The following RASSF8 variants were observed in gnomAD, a reference collection of about 807,000 sequenced individuals.
The protein encoded by RASSF8 is Ras association domain family member 8, also known as ras association domain-containing protein 8.
In RASSF8, 22 loss-of-function variants were observed where a neutral mutation model predicts 48.5. That is an observed-to-expected ratio of 0.45 (90% CI 0.32 to 0.65). The LOEUF (loss-of-function observed/expected upper bound fraction) is 0.65. RASSF8 is among the 30% of genes least tolerant of loss of function. The pLI is 0.03. For synonymous variants in RASSF8, 127 were observed against 171.5 expected, an observed-to-expected ratio of 0.74 and a Z score of 2.03; for missense variants, 418 against 489.2, an observed-to-expected ratio of 0.85 and a Z score of 1.37.
intron 3 of RASSF8, among the ~76,000 whole-genome samples, chr12:26,060,222 G>GCTTATCATATAA (rs1943711175): frequency 6.6e-6 from 1 of 152,130 alleles, no homozygotes; most frequent in East Asian, 1.9e-4. Flanking sequence ...TTTAGTAGTA[G>GCTTATCATATAA]TGAGCTTATC....
In RASSF8 at chr12:26,069,272, G is replaced by A. The variant is rs1943950529; in HGVS notation, c.*454G>A. 12 of 984,964 alleles carry A rather than the reference G, an allele frequency of 1.2e-5. No homozygotes were observed. Among genetic ancestry groups the A allele is most frequent in the Non-Finnish European group, 1.4e-5 (12 of 828,778 alleles). 61.0% of individuals were successfully genotyped at this position (984,964 alleles called of 1,614,324 possible). ...TTACATATTGTGTGATTATGACCGT[G>A]TGCATGTTGCCAGACTCCATCCATG... On this transcript the variant is annotated 3_prime_UTR_variant, in exon 6 of 6. Coordinates refer to ENST00000689635, the MANE Select transcript of RASSF8 (RefSeq NM_001394098.1).
chr12:25,960,068 C>T (rs1039598313), intron 1 of RASSF8, among the ~76,000 whole-genome samples: 2 of 152,036 alleles, frequency 1.3e-5, no homozygotes, highest in African/African-American at 4.8e-5. Context: ...AATCCTCTAG[C>T]CCTGTGACAG....
intron 2 of RASSF8, among the ~76,000 whole-genome samples, chr12:26,035,441 A>AAGTATATGAAATT (rs1320662815): frequency 8.4e-5 from 2 of 23,792 alleles, no homozygotes; most frequent in Non-Finnish European, 1.3e-4. Flanking sequence ...ATAATTATAT[A>AAGTATATGAAATT]ATATAAGTAT....
intron 3 of RASSF8, among the ~76,000 whole-genome samples, chr12:26,061,852 A>G (rs182231935): frequency 1.3e-5 from 2 of 152,272 alleles, no homozygotes; most frequent in Admixed American, 6.5e-5. Context: ...GCTTTTTTAT[A>G]TTGCTGGATG....
intron 1 of RASSF8, among the ~76,000 whole-genome samples, chr12:25,975,095 C>T (rs1941574439): frequency 1.3e-5 from 2 of 152,054 alleles, no homozygotes; most frequent in African/African-American, 4.8e-5. Flanking sequence ...CCTAAGTCCA[C>T]CTGAGGAAAT....
At chr12:26,010,572 C>T (rs1207835995) in intron 2 of RASSF8, among the ~76,000 whole-genome samples, 1 of 152,204 alleles carries the variant, frequency 6.6e-6, no homozygotes, top group African/African-American at 2.4e-5. Flanking sequence ...TGGGAAAGCT[C>T]TTTCCTTAAT....
intron 2 of RASSF8, among the ~76,000 whole-genome samples, chr12:26,033,463 T>C (rs1260416444): frequency 6.6e-6 from 1 of 152,196 alleles, no homozygotes; most frequent in Non-Finnish European, 1.5e-5. Context: ...TAGGTATTAT[T>C]TTCATTCTTT....
Position 26,065,033 on chromosome 12 carries a change from C to G in RASSF8, c.639C>G (p.Ile213Met). The G allele has an allele frequency of 6.2e-7, 1 of 1,613,078 alleles. No homozygotes were observed. The highest frequency in any genetic ancestry group is 1.3e-5 in the African/African-American group (1 of 74,810). The change falls in exon 4 of 6, where the codon ATC becomes ATG. Residue 213 changes from isoleucine to methionine, a missense_variant. Physicochemically the swap from Ile to Met is conservative, Grantham distance 10 (BLOSUM62 1). Transcript: ENST00000689635. ...AAATTGTCCGTCTAGAGCAAAAGATCAAAAGAAACGATGTAGAAATTGAGG... is the reference window on the plus strand; with the variant it reads ...AAATTGTCCGTCTAGAGCAAAAGATGAAAAGAAACGATGTAGAAATTGAGG... ...EEEIVRLEQK[I>M]KRNDVEIEEE...
Position 26,071,323 on chromosome 12 carries a change from T to G in RASSF8, c.*2505T>G. 2.1e-6 allele frequency: 2 copies of G among 974,720 alleles called. No individual in the cohort carries two copies. Among genetic ancestry groups the G allele is most frequent in the Non-Finnish European group, 2.4e-6 (2 of 820,250 alleles). The allele number at this position is 974,720 out of a possible 1,614,324, so 60.4% of individuals were successfully genotyped here. A position where few individuals can be genotyped will look rare whatever the true frequency, so the allele number is the denominator to read the frequency against. Reference sequence around the variant, plus strand: ...TTCGGAGGGGTAGTGGGCAATGGTATACAAAAATACCAAATATAAAATTTT... The same window carrying G: ...TTCGGAGGGGTAGTGGGCAATGGTAGACAAAAATACCAAATATAAAATTTT... On this transcript the variant is annotated 3_prime_UTR_variant, in exon 6 of 6. Coordinates refer to ENST00000689635, the MANE Select transcript of RASSF8 (RefSeq NM_001394098.1).
At chr12:25,972,122 A>C (rs1319692337) in intron 1 of RASSF8, among the ~76,000 whole-genome samples, 2 of 152,232 alleles carry the variant, frequency 1.3e-5, no homozygotes, top group Non-Finnish European at 2.9e-5. Flanking sequence ...CCAAACGAAT[A>C]ATTTGAAATA....
chr12:26,078,907 G>C lies in RASSF8; in HGVS notation c.1139-126G>C, dbSNP rs896757794. 1.2e-5 allele frequency: 9 copies of C among 734,326 alleles called. 1 individual carries two copies. In the Middle Eastern group the frequency reaches 1.0e-3, roughly 82 times the overall value. 45.5% of individuals were successfully genotyped at this position (734,326 alleles called of 1,614,324 possible). ...TTTCTAGAAGGTTCTCAAAAAAAAA[G>C]GCGCTAACCGAAAAGACAAAGACCC... On this transcript the variant is annotated intron_variant, in intron 5 of 5. Transcript: ENST00000381352.
chr12:25,961,189 A>G (rs904108952), intron 1 of RASSF8, among the ~76,000 whole-genome samples: 3 of 152,172 alleles, frequency 2.0e-5, no homozygotes, highest in African/African-American at 7.2e-5. Flanking sequence ...ATGTTGATGT[A>G]TATAATGACT....
At chr12:25,963,226 A>T (rs1941277715) in intron 1 of RASSF8, among the ~76,000 whole-genome samples, 1 of 151,750 alleles carries the variant, frequency 6.6e-6, no homozygotes, top group African/African-American at 2.4e-5. Context: ...CATACACTTA[A>T]GAGAGAGGAG....
At chr12:26,023,092 G>A (rs1371257994) in intron 2 of RASSF8, among the ~76,000 whole-genome samples, 1 of 152,110 alleles carries the variant, frequency 6.6e-6, no homozygotes, top group Non-Finnish European at 1.5e-5. Flanking sequence ...CCTGAAGATA[G>A]ATAGGTAAAG....
At chr12:26,006,289 G>T (rs544747788) in intron 2 of RASSF8, among the ~76,000 whole-genome samples, 14 of 152,286 alleles carry the variant, frequency 9.2e-5, no homozygotes, top group African/African-American at 3.4e-4. Flanking sequence ...TAATCTGGGT[G>T]CAAGTCAGCT....
intron 2 of RASSF8, among the ~76,000 whole-genome samples, chr12:26,033,999 C>T (rs1477440925): frequency 2.0e-5 from 3 of 152,032 alleles, no homozygotes; most frequent in Non-Finnish European, 4.4e-5. Flanking sequence ...TGCCTTCTCC[C>T]CACCACCATC....
chr12:25,984,358 T>C (rs1387793177), intron 1 of RASSF8, among the ~76,000 whole-genome samples: 2 of 151,072 alleles, frequency 1.3e-5, no homozygotes, highest in African/African-American at 4.9e-5. Flanking sequence ...GGATTACAGG[T>C]GTGAGATGGA....
intron 2 of RASSF8, among the ~76,000 whole-genome samples, chr12:26,036,620 ATGTC>A (rs1943156103): frequency 6.6e-6 from 1 of 152,110 alleles, no homozygotes; most frequent in Admixed American, 6.5e-5. Flanking sequence ...TAAAAAGTGT[ATGTC>A]TGGTCGAGCG....
At chr12:25,985,505 C>T (rs574445526) in intron 1 of RASSF8, among the ~76,000 whole-genome samples, 7 of 151,078 alleles carry the variant, frequency 4.6e-5, no homozygotes, top group African/African-American at 1.7e-4. Flanking sequence ...TGGCCAGGGC[C>T]TTAGCTCTGT....
Sources: allele counts gnomAD v4.1 joint callset (sites outside exome capture counted in the v4.1 genomes callset), GRCh38; gene constraint gnomAD v4.1.1; transcripts MANE v1.5; gene names NCBI Gene and HGNC (gene_info 2026-07-23, HGNC 2026-07-21).